Variants in PDGFD observed in about 807,000 individuals in gnomAD.
PDGFD encodes the protein platelet-derived growth factor D.
Under a neutral mutation model 44.7 loss-of-function variants are expected in PDGFD, and 30 were observed. That is an observed-to-expected ratio of 0.67 (90% CI 0.50 to 0.91). The LOEUF (loss-of-function observed/expected upper bound fraction) is 0.91. Ranked by LOEUF, PDGFD falls within the 40% of genes least tolerant of loss-of-function variation. The pLI, the probability that PDGFD is intolerant of heterozygous loss-of-function variation, is 0.00. For synonymous variants in PDGFD, 173 were observed against 168.4 expected, an observed-to-expected ratio of 1.03 and a Z score of -0.21; for missense variants, 445 against 457.8, an observed-to-expected ratio of 0.97 and a Z score of 0.25.
chr11:104,107,084 G>A (rs996167147), intron 1 of PDGFD, among the ~76,000 whole-genome samples: 1 of 152,064 alleles, frequency 6.6e-6, no homozygotes, highest in Non-Finnish European at 1.5e-5. Flanking sequence ...CTGAAGATGA[G>A]ACCACTTCCA....
intron 1 of PDGFD, among the ~76,000 whole-genome samples, chr11:104,113,263 T>C (rs1861587345): frequency 6.6e-6 from 1 of 152,078 alleles, no homozygotes; most frequent in African/African-American, 2.4e-5. Context: ...GACAGTATAG[T>C]GGGCACTGAG....
Position 104,000,275 on chromosome 11 carries a change from G to A in PDGFD, c.125-20C>T. The A allele has an allele frequency of 6.3e-7, 1 of 1,587,650 alleles. No homozygotes were observed. Among genetic ancestry groups the A allele is most frequent in the Non-Finnish European group, 8.6e-7 (1 of 1,156,858 alleles). On this transcript the variant is annotated intron_variant, in intron 1 of 6. Coordinates refer to ENST00000393158, the MANE Select transcript of PDGFD (RefSeq NM_025208.5). ...TGCTCTCTGTTAGTAGTCACAACTT[G>A]TAGAAATTAGTATGTTGCTCCAATT...
intron 3 of PDGFD, among the ~76,000 whole-genome samples, chr11:103,952,400 G>C (rs1354311693): frequency 6.6e-6 from 1 of 152,140 alleles, no homozygotes; most frequent in Non-Finnish European, 1.5e-5. Context: ...CTGGTACACA[G>C]CTTTTGACTT....
intron 1 of PDGFD, among the ~76,000 whole-genome samples, chr11:104,110,231 G>A (rs141204377): frequency 1.4e-4 from 21 of 152,086 alleles, no homozygotes; most frequent in African/African-American, 4.8e-4. Flanking sequence ...ACTTTGAATT[G>A]TTAGAAGTGC....
At chr11:103,942,320 G>C (rs1013336777) in intron 5 of PDGFD, among the ~76,000 whole-genome samples, 2 of 152,046 alleles carry the variant, frequency 1.3e-5, no homozygotes, top group East Asian at 1.9e-4. Flanking sequence ...TAACAGACTA[G>C]AAGTAACTGT....
At chr11:104,030,553 G>A (rs1860108853) in intron 1 of PDGFD, among the ~76,000 whole-genome samples, 1 of 152,184 alleles carries the variant, frequency 6.6e-6, no homozygotes, top group Admixed American at 6.5e-5. Context: ...GTTATTTTTT[G>A]TCAGTGTGAA....
intron 1 of PDGFD, among the ~76,000 whole-genome samples, chr11:104,119,543 A>G (rs1225779621): frequency 1.1e-5 from 1 of 89,576 alleles, no homozygotes; most frequent in African/African-American, 4.7e-5. Flanking sequence ...AATATATAAT[A>G]TAATATATTG....
intron 1 of PDGFD, among the ~76,000 whole-genome samples, chr11:104,069,784 C>T (rs1860846622): frequency 6.6e-6 from 1 of 152,166 alleles, no homozygotes; most frequent in Non-Finnish European, 1.5e-5. Context: ...GGCGTGAACC[C>T]GGGAGGCGGA....
chr11:104,154,248 A>G (rs1272432256), intron 1 of PDGFD, among the ~76,000 whole-genome samples: 1 of 152,174 alleles, frequency 6.6e-6, no homozygotes, highest in African/African-American at 2.4e-5. Flanking sequence ...ATGGTAACAG[A>G]GAAAGAGTAA....
chr11:103,975,459 A>G (rs962741800), intron 3 of PDGFD, among the ~76,000 whole-genome samples: 2 of 151,968 alleles, frequency 1.3e-5, no homozygotes, highest in Admixed American at 6.6e-5. Context: ...CACTCTGATG[A>G]TAGTTTCTTT....
At chr11:103,935,949 T>C (rs529568110) in intron 5 of PDGFD, among the ~76,000 whole-genome samples, 13 of 152,340 alleles carry the variant, frequency 8.5e-5, no homozygotes, top group African/African-American at 3.1e-4. Flanking sequence ...AGTTTGACTC[T>C]CAAGTCCATG....
chr11:103,985,202 T>A (rs1317532140), intron 3 of PDGFD, among the ~76,000 whole-genome samples: 1 of 134,424 alleles, frequency 7.4e-6, no homozygotes, highest in Admixed American at 7.6e-5. Flanking sequence ...TATATATTAA[T>A]ACACACACAT....
intron 1 of PDGFD, among the ~76,000 whole-genome samples, chr11:104,119,915 A>T (rs1479640473): frequency 1.5e-5 from 2 of 134,558 alleles, no homozygotes; most frequent in African/African-American, 5.5e-5. Flanking sequence ...ATAAGCAATT[A>T]TTATATATTA....
At chr11:103,919,444 C>A (rs1450341367) in intron 6 of PDGFD, among the ~76,000 whole-genome samples, 1 of 149,174 alleles carries the variant, frequency 6.7e-6, no homozygotes, top group East Asian at 2.0e-4. Context: ...AACACAAGTA[C>A]GTATTTCAGG....
chr11:103,910,176 T>A (rs1291347774), intron 6 of PDGFD, among the ~76,000 whole-genome samples: 3 of 152,202 alleles, frequency 2.0e-5, no homozygotes, highest in East Asian at 3.9e-4. Flanking sequence ...CCAAGGCATG[T>A]GTTATAGATG....
chr11:104,052,353 A>T (rs1860553822), intron 1 of PDGFD, among the ~76,000 whole-genome samples: 1 of 138,006 alleles, frequency 7.2e-6, no homozygotes, highest in African/African-American at 2.5e-5. Context: ...AACTCTTTAA[A>T]AAAGAAGAGC....
At chr11:104,021,503 T>C (rs260852) in intron 1 of PDGFD, among the ~76,000 whole-genome samples, 127,488 of 152,072 alleles carry the variant, frequency 0.84, 53,507 homozygotes, top group East Asian at 0.97. Context: ...TAATTGTGAT[T>C]CTAAGCCTTA....
intron 1 of PDGFD, among the ~76,000 whole-genome samples, chr11:104,094,780 C>T (rs1861259483): frequency 6.6e-6 from 1 of 152,158 alleles, no homozygotes; most frequent in African/African-American, 2.4e-5. Flanking sequence ...TCCCCATGCA[C>T]TTTTTCTTCC....
chr11:103,914,899 C>T (rs146547034), intron 6 of PDGFD, among the ~76,000 whole-genome samples: 1 of 152,094 alleles, frequency 6.6e-6, no homozygotes, highest in East Asian at 1.9e-4. Context: ...ATTCAACAGC[C>T]CTTCATGCTA....
Sources: allele counts gnomAD v4.1 joint callset (sites outside exome capture counted in the v4.1 genomes callset), GRCh38; gene constraint gnomAD v4.1.1; transcripts MANE v1.5; gene names NCBI Gene and HGNC (gene_info 2026-07-23, HGNC 2026-07-21).